The following EEF1AKMT4 variants were observed in gnomAD, a reference collection of about 807,000 sequenced individuals.
EEF1AKMT4 encodes the protein EEF1A lysine methyltransferase 4.
A neutral mutation model predicts 23.0 loss-of-function variants in EEF1AKMT4; 17 were observed. The observed-to-expected ratio is 0.74, with a 90% CI of 0.51 to 1.11. The LOEUF is 1.11. EEF1AKMT4 is among the 50% of genes least tolerant of loss of function. EEF1AKMT4 has a pLI of 0.00. For synonymous variants in EEF1AKMT4, 140 were observed against 141.4 expected, an observed-to-expected ratio of 0.99 and a Z score of 0.07; for missense variants, 318 against 333.4, an observed-to-expected ratio of 0.95 and a Z score of 0.36.
chr3:184,254,280 T>C (rs947678001), intron 1 of EEF1AKMT4, among the ~76,000 whole-genome samples: 1 of 152,106 alleles, frequency 6.6e-6, no homozygotes, highest in African/African-American at 2.4e-5. Context: ...AGGAATCTTC[T>C]TGTTTTTTTA....
chr3:184,257,209 CAAAAAAA>C (rs751755981), intron 1 of EEF1AKMT4, among the ~76,000 whole-genome samples: 14 of 69,504 alleles, frequency 2.0e-4, no homozygotes, highest in African/African-American at 4.4e-4. Flanking sequence ...GAATTCATCT[CAAAAAAA>C]AAAAAAAAAA....
intron 1 of EEF1AKMT4, among the ~76,000 whole-genome samples, chr3:184,251,211 C>T (rs1471624769): frequency 6.6e-6 from 1 of 152,106 alleles, no homozygotes; most frequent in Non-Finnish European, 1.5e-5. Flanking sequence ...TCAAGACCAG[C>T]CTGGGCAACA....
At position 184,257,711 on chromosome 3, in the gene EEF1AKMT4, C is replaced by G; in HGVS notation, c.435C>G (p.Thr145=). The change falls in exon 2 of 3, where the codon ACC becomes ACG. Residue 145 remains threonine, a synonymous_variant. Coordinates refer to ENST00000324557, the MANE Select transcript of EEF1AKMT4 (RefSeq NM_032331.4). The stretch of plus-strand genomic sequence containing the variant: ...TGGCTGGGGAACGAGATCCCTGGAC[C>G]GTGTCCTCTGAAGGTGTCCACACTG... ...ALLAGERDPW[T]VSSEGVHTVD... 6.2e-7 allele frequency: 1 copy of G among 1,614,016 alleles called. No individual in the cohort carries two copies. Among genetic ancestry groups the G allele is most frequent in the Non-Finnish European group, 8.5e-7 (1 of 1,179,980 alleles).
intron 1 of EEF1AKMT4, 70 bp downstream of exon 1, chr3:184,249,960 C>G (rs1046182058): frequency 1.3e-6 from 2 of 1,502,704 alleles, no homozygotes; most frequent in Non-Finnish European, 9.0e-7. Flanking sequence ...TTGGCCTGGT[C>G]CGCTTTCCTC....
intron 1 of EEF1AKMT4, among the ~76,000 whole-genome samples, chr3:184,253,884 G>T (rs1719674761): frequency 6.6e-6 from 1 of 152,058 alleles, no homozygotes; most frequent in Admixed American, 6.5e-5. Context: ...TGGCCAGGCT[G>T]GTCTCCAATT....
In EEF1AKMT4 at chr3:184,258,753, A is replaced by T. The variant is rs1719925971; in HGVS notation, c.*178A>T. ...ACCAATACAGCCCAGCTCCAACTAG[A>T]TCCAGATTCCAGGTTTCTTGCTTCT... On this transcript the variant is annotated 3_prime_UTR_variant, in exon 3 of 3. Transcript: ENST00000324557. The T allele has an allele frequency of 7.7e-7, 1 of 1,296,922 alleles. No individual in the cohort carries two copies. The highest frequency in any genetic ancestry group is 2.7e-5 in the South Asian group (1 of 37,208). The allele number at this position is 1,296,922 out of a possible 1,614,324, so 80.3% of individuals were successfully genotyped here.
At chr3:184,251,240 A>G (rs1424881117) in intron 1 of EEF1AKMT4, among the ~76,000 whole-genome samples, 1 of 152,176 alleles carries the variant, frequency 6.6e-6, no homozygotes, top group Non-Finnish European at 1.5e-5. Context: ...TCCCATCTCT[A>G]CAAAAAATTT....
At chr3:184,250,288 C>T (rs1444787654) in intron 1 of EEF1AKMT4, among the ~76,000 whole-genome samples, 6 of 152,226 alleles carry the variant, frequency 3.9e-5, no homozygotes, top group African/African-American at 1.4e-4. Flanking sequence ...AATGGTACTG[C>T]GAGTTCACAT....
chr3:184,257,772 G>T lies in EEF1AKMT4; in HGVS notation c.480+16G>T, dbSNP rs1308855574. The T allele has an allele frequency of 2.5e-6, 4 of 1,602,070 alleles. No homozygotes were observed. Among genetic ancestry groups the T allele is most frequent in the Non-Finnish European group, 3.4e-6 (4 of 1,172,456 alleles). On this transcript the variant is annotated intron_variant, in intron 2 of 2. Coordinates refer to ENST00000324557, the MANE Select transcript of EEF1AKMT4 (RefSeq NM_032331.4). ...GTTGAGTGAGGTGAGGGAGCAACAA[G>T]AGAGGAAAGCAGATCAATAGGTGGG...
At position 184,249,737 on chromosome 3, in the gene EEF1AKMT4, G is replaced by C; in HGVS notation, c.43G>C (p.Glu15Gln). The C allele has an allele frequency of 1.2e-6, 2 of 1,612,674 alleles. No individual in the cohort carries two copies. The highest frequency in any genetic ancestry group is 1.7e-6 in the Non-Finnish European group (2 of 1,179,668). The stretch of plus-strand genomic sequence containing the variant: ...AGGTAGGGCGCCTCCGGAGTTACCG[G>C]AGCGGAACTGCGGGTACCGCGAAGT... Reference protein sequence around the residue: ...GAGRAPPELPERNCGYREVEY... With the variant: ...GAGRAPPELPQRNCGYREVEY... The change falls in exon 1 of 3, where the codon GAG becomes CAG. Residue 15 changes from glutamate to glutamine, a missense_variant. Glu to Gln is a conservative substitution (Grantham distance 29, BLOSUM62 2). Transcript: ENST00000324557.
chr3:184,252,613 C>T lies in EEF1AKMT4; in HGVS notation c.196+2723C>T, dbSNP rs781629470. ...AGTCTCTTTTACAATGACTTGGTTC[C>T]GCTATTGTAGTGGAAAAGCAGCTAC... On this transcript the variant is annotated intron_variant, in intron 1 of 2. Transcript: ENST00000324557. Among the ~76,000 whole-genome samples, 5 of 152,032 alleles carry T rather than the reference C, an allele frequency of 3.3e-5. No individual in the cohort carries two copies. The South Asian group carries it at 6.2e-4, about 19-fold the overall frequency.
In EEF1AKMT4 at chr3:184,258,589, T is replaced by C; in HGVS notation, c.*14T>C. 1 of 1,546,316 alleles carries C rather than the reference T, an allele frequency of 6.5e-7. No homozygotes were observed. Among genetic ancestry groups the C allele is most frequent in the South Asian group, 1.3e-5 (1 of 79,516 alleles). On this transcript the variant is annotated 3_prime_UTR_variant, in exon 3 of 3. Transcript: ENST00000324557. ...ATTCAGCTCTGAGGCCAGAGCATGG[T>C]CCTCCACCCTTCCTGCCATTCTGCC...
Position 184,257,701 on chromosome 3 carries a change from A to G in EEF1AKMT4, c.425A>G (p.Asp142Gly). The change falls in exon 2 of 3, where the codon GAT becomes GGT. Residue 142 changes from aspartate to glycine, a missense_variant. Physicochemically the swap from Asp to Gly is moderately conservative, Grantham distance 94. Transcript: ENST00000324557. ...GATGCCCTGCTGGCTGGGGAACGAG[A>G]TCCCTGGACCGTGTCCTCTGAAGGT... is the stretch of plus-strand genomic sequence containing the variant. ...TLDALLAGER[D>G]PWTVSSEGVH... is the part of the protein sequence containing the mutation. 1.2e-6 allele frequency: 2 copies of G among 1,614,124 alleles called. No individual in the cohort carries two copies. The highest frequency in any genetic ancestry group is 1.1e-5 in the South Asian group (1 of 91,080).
intron 1 of EEF1AKMT4, among the ~76,000 whole-genome samples, chr3:184,254,870 A>G (rs1719728048): frequency 6.6e-6 from 1 of 152,208 alleles, no homozygotes; most frequent in Non-Finnish European, 1.5e-5. Context: ...ACTCAGCTCT[A>G]GGCCCTCATG....
At position 184,258,432 on chromosome 3, in the gene EEF1AKMT4, T is replaced by C; in HGVS notation, c.625T>C (p.Tyr209His). ...TGGCAGCGGTTTCCACTTCCATCTC[T>C]ACCTCATGCACAAGGGCGGGAAGCT... is the stretch of plus-strand genomic sequence containing the variant. Reference protein sequence around the residue: ...TYGSGFHFHLYLMHKGGKLSV... With the variant: ...TYGSGFHFHLHLMHKGGKLSV... Residue 209 changes from tyrosine (Y) to histidine (H), a missense_variant, in exon 3 of 3, where the codon TAC becomes CAC. Transcript: ENST00000324557. The C allele has an allele frequency of 6.2e-7, 1 of 1,613,970 alleles. No individual in the cohort carries two copies. Among genetic ancestry groups the C allele is most frequent in the South Asian group, 1.1e-5 (1 of 91,080 alleles).
chr3:184,254,540 TAAA>T (rs1213250266), intron 1 of EEF1AKMT4, among the ~76,000 whole-genome samples: 6 of 99,098 alleles, frequency 6.1e-5, no homozygotes, highest in Admixed American at 1.1e-4. Flanking sequence ...CCGTCTCTAC[TAAA>T]AAAAAAAAAA....
intron 1 of EEF1AKMT4, among the ~76,000 whole-genome samples, chr3:184,256,272 C>CAAAAAAAAAAAA (rs59087969): frequency 0.099 from 5,259 of 52,988 alleles, 269 homozygotes; most frequent in Non-Finnish European, 0.13. Context: ...AACTCCATCT[C>CAAAAAAAAAAAA]AAAAAAAAAA....
rs982544993 is a variant in EEF1AKMT4, at chr3:184,249,885, T to G, written c.191T>G (p.Val64Gly). 6.2e-6 allele frequency: 10 copies of G among 1,608,356 alleles called. No individual in the cohort carries two copies. In the East Asian group the frequency reaches 2.2e-4, roughly 36 times the overall value. The change falls in exon 1 of 3, where the codon GTG (valine) becomes GGG (glycine). Residue 64 changes from valine (V) to glycine (G), a missense_variant. Coordinates refer to ENST00000324557, the MANE Select transcript of EEF1AKMT4 (RefSeq NM_032331.4). ...CTGCGGCCCGAGGACCGTATCCTTG[T>G]GCTAGGTGGGTAATCCCGGCGCGGC... ...PELRPEDRIL[V>G]LGCGNSALSY...
intron 2 of EEF1AKMT4, 65 bp downstream of exon 2, chr3:184,257,821 G>T: frequency 1.3e-6 from 2 of 1,539,632 alleles, no homozygotes; most frequent in South Asian, 1.3e-5. Flanking sequence ...GGTTTCAGGG[G>T]ACTGGAAGAA....
Sources: gnomAD v4.1 joint callset for allele counts (sites outside exome capture counted in the v4.1 genomes callset) on GRCh38, gnomAD v4.1.1 for gene constraint, MANE v1.5 for transcripts, NCBI Gene and HGNC (gene_info 2026-07-23, HGNC 2026-07-21) for gene names.